SUGCT: variants seen among roughly 807,000 people sequenced by gnomAD.
SUGCT encodes the protein succinyl-CoA:glutarate-CoA transferase, also known as succinyl-CoA:glutarate CoA-transferase.
SUGCT carries 41 observed loss-of-function variants against 55.0 expected under a neutral mutation model. That is an observed-to-expected ratio of 0.74 (90% confidence interval 0.58 to 0.97). The LOEUF (loss-of-function observed/expected upper bound fraction) is 0.97, where lower values mean the gene tolerates loss of function less well. Ranked by LOEUF, SUGCT falls within the 50% of genes least tolerant of loss-of-function variation. The probability of loss-of-function intolerance (pLI) is 0.00; values close to 1 mark genes in which losing one functional copy is unlikely to be tolerated. For synonymous variants in SUGCT, 187 were observed against 200.4 expected (o/e 0.93, Z 0.56); for missense variants, 568 against 547.8 (o/e 1.04, Z -0.37).
chr7:40,970,521 C>T, the SUGCT span, among the ~76,000 whole-genome samples: 1 of 152,138 alleles, frequency 6.6e-6, no homozygotes, highest in Non-Finnish European at 1.5e-5. Context: ...TATAGATTTT[C>T]TTTTGGGTGC....
At chr7:40,975,317 C>G in the SUGCT span, among the ~76,000 whole-genome samples, 1 of 152,262 alleles carries the variant, frequency 6.6e-6, no homozygotes, top group Admixed American at 6.5e-5. Flanking sequence ...CTTCAGATCT[C>G]TATATGTGGA....
At chr7:40,831,061 T>A (rs1445181010) in intron 13 of SUGCT, among the ~76,000 whole-genome samples, 1 of 152,150 alleles carries the variant, frequency 6.6e-6, no homozygotes, top group East Asian at 1.9e-4. Flanking sequence ...TCTAAGAGGT[T>A]AAGTATTTAG....
the SUGCT span, among the ~76,000 whole-genome samples, chr7:40,962,011 T>C: frequency 6.6e-6 from 1 of 152,152 alleles, no homozygotes; most frequent in African/African-American, 2.4e-5. Context: ...CCAAGTGGGT[T>C]GCCCAGCTGG....
In SUGCT at chr7:40,849,218, T is replaced by C. The variant is rs1015968906; in HGVS notation, c.1154-11098T>C. On this transcript the variant is annotated intron_variant, in intron 13 of 13. Transcript: ENST00000335693. ...TCTTGATACTTTAAGAAGTTGATGA[T>C]ACCCATGTCAGAAATTAAGAAAAAA... is the stretch of plus-strand genomic sequence containing the variant. 2.0e-5 allele frequency among the ~76,000 whole-genome samples: 3 copies of C among 152,168 alleles called. No individual in the cohort carries two copies. In the East Asian group the frequency reaches 5.8e-4, roughly 29 times the overall value.
intron 9 of SUGCT, among the ~76,000 whole-genome samples, chr7:40,369,479 G>A (rs891377269): frequency 3.3e-5 from 5 of 152,110 alleles, no homozygotes; most frequent in African/African-American, 7.2e-5. Flanking sequence ...GATTGCAGGA[G>A]CTTGATGTAT....
chr7:40,898,130 C>T, the SUGCT span, among the ~76,000 whole-genome samples: 1 of 152,042 alleles, frequency 6.6e-6, no homozygotes, highest in East Asian at 1.9e-4. Flanking sequence ...CTCGTGAAGC[C>T]AGCAAGACCA....
chr7:40,589,861 G>T (rs1352053565), intron 12 of SUGCT, among the ~76,000 whole-genome samples: 1 of 152,006 alleles, frequency 6.6e-6, no homozygotes, highest in Non-Finnish European at 1.5e-5. Flanking sequence ...ATATTCTTTT[G>T]ATCTTTGCTC....
intron 13 of SUGCT, among the ~76,000 whole-genome samples, chr7:40,802,923 A>G (rs1338399710): frequency 6.6e-6 from 1 of 152,190 alleles, no homozygotes; most frequent in Admixed American, 6.5e-5. Context: ...ATTTTCTATC[A>G]CTAGCTACAA....
the SUGCT span, among the ~76,000 whole-genome samples, chr7:40,920,802 A>G: frequency 6.6e-6 from 1 of 152,250 alleles, no homozygotes; most frequent in Non-Finnish European, 1.5e-5. Flanking sequence ...AATGTAGCCA[A>G]GAGATAAATA....
rs1472760481 is a variant in SUGCT at position 40,432,123 on chromosome 7, C to T, written c.817-17164C>T. The stretch of plus-strand genomic sequence containing the variant: ...GTTTTGGATCTTAGTGTAAAACATT[C>T]AGTTTTTCCCAATTGATTATAATTT... On this transcript the variant is annotated intron_variant, in intron 9 of 13. Coordinates refer to ENST00000335693, the MANE Select transcript of SUGCT (RefSeq NM_001193313.2). 2.0e-5 allele frequency among the ~76,000 whole-genome samples: 3 copies of T among 152,194 alleles called. No individual in the cohort carries two copies. The East Asian group carries it at 5.8e-4, about 29-fold the overall frequency.
rs371412656 is a variant in SUGCT at position 40,400,532 on chromosome 7, G to A, written c.817-48755G>A. Among the ~76,000 whole-genome samples, 6 of 152,206 alleles carry A rather than the reference G, an allele frequency of 3.9e-5. No individual in the cohort carries two copies. The East Asian group carries it at 5.8e-4, about 15-fold the overall frequency. ...TGACAGTTCTATTTTTAGTTAAGAG[G>A]CGATATACTCTTCATGAAGCATATA... On this transcript the variant is annotated intron_variant, in intron 9 of 13. Coordinates refer to ENST00000335693, the MANE Select transcript of SUGCT (RefSeq NM_001193313.2).
At chr7:40,352,014 CACCCATGGT>C (rs2151200504) in intron 9 of SUGCT, among the ~76,000 whole-genome samples, 1 of 152,310 alleles carries the variant, frequency 6.6e-6, no homozygotes, top group Non-Finnish European at 1.5e-5. Flanking sequence ...TTCTGTTATG[CACCCATGGT>C]AGAAAGCTAT....
intron 10 of SUGCT, among the ~76,000 whole-genome samples, chr7:40,455,239 A>G (rs1432035728): frequency 6.6e-6 from 1 of 152,202 alleles, no homozygotes; most frequent in Non-Finnish European, 1.5e-5. Flanking sequence ...GCAAAAATAT[A>G]GCCAAAATCA....
At chr7:40,315,992 T>G (rs1795410239) in intron 8 of SUGCT, among the ~76,000 whole-genome samples, 1 of 152,202 alleles carries the variant, frequency 6.6e-6, no homozygotes, top group Non-Finnish European at 1.5e-5. Context: ...CTATTGTAGA[T>G]TTGTCAAGAT....
intron 13 of SUGCT, among the ~76,000 whole-genome samples, chr7:40,816,096 C>T (rs971019555): frequency 2.6e-5 from 4 of 152,218 alleles, no homozygotes; most frequent in African/African-American, 7.2e-5. Context: ...TAGCAGCTCT[C>T]CTTCTGCCTG....
intron 9 of SUGCT, among the ~76,000 whole-genome samples, chr7:40,367,173 C>T (rs1204456336): frequency 1.3e-5 from 2 of 148,818 alleles, no homozygotes; most frequent in Non-Finnish European, 1.5e-5. Flanking sequence ...GGACAAAAAA[C>T]CAAACATCGT....
intron 6 of SUGCT, among the ~76,000 whole-genome samples, chr7:40,220,662 T>C (rs1787968144): frequency 6.6e-6 from 1 of 152,362 alleles, no homozygotes; most frequent in South Asian, 2.1e-4. Flanking sequence ...TTTCTCTTCT[T>C]GGCACAATTC....
chr7:40,246,611 T>C (rs1161491027), intron 7 of SUGCT, among the ~76,000 whole-genome samples: 2 of 151,332 alleles, frequency 1.3e-5, no homozygotes, highest in African/African-American at 4.9e-5. Flanking sequence ...TTTTTTTTTT[T>C]TTTGAGAAGG....
chr7:40,610,076 A>T (rs1218642910), intron 12 of SUGCT, among the ~76,000 whole-genome samples: 1 of 152,194 alleles, frequency 6.6e-6, no homozygotes, highest in Admixed American at 6.5e-5. Context: ...TTAAAATGGA[A>T]ACACTGACCA....
Sources: gnomAD v4.1 joint callset for allele counts (sites outside exome capture counted in the v4.1 genomes callset) on GRCh38, gnomAD v4.1.1 for gene constraint, MANE v1.5 for transcripts, NCBI Gene and HGNC (gene_info 2026-07-23, HGNC 2026-07-21) for gene names.